Variants in DBN1 observed in about 807,000 individuals in gnomAD.
DBN1 encodes the protein drebrin.
DBN1 carries 21 observed loss-of-function variants against 83.5 expected under a neutral mutation model. The observed-to-expected ratio is 0.25, with a 90% CI of 0.18 to 0.36. DBN1 has a LOEUF of 0.36. DBN1 is among the 10% of genes least tolerant of loss of function. DBN1 has a pLI of 1.00. For missense variants in DBN1, 874 were observed against 935.7 expected, an observed-to-expected ratio of 0.93 and a Z score of 0.86; for synonymous variants, 381 against 384.9, an observed-to-expected ratio of 0.99 and a Z score of 0.12.
intron 1 of DBN1, chr5:177,472,455 C>T (rs1757920865): frequency 1.5e-6 from 2 of 1,310,842 alleles, no homozygotes; most frequent in South Asian, 3.7e-5. Flanking sequence ...TGTGAGGAAC[C>T]CCTCGGTTTC....
rs1359489286 is a variant in DBN1 at position 177,466,705 on chromosome 5, C to T, written c.771+67G>A. ...CTGAGCCACTGATCTCCCCACAAGG[C>T]CCAGGAACACAGGGACCATTCTCAC... is the stretch of plus-strand genomic sequence containing the variant. On this transcript the variant is annotated intron_variant, in intron 8 of 14. Coordinates refer to ENST00000393565, the MANE Select transcript of DBN1 (RefSeq NM_001363541.2). This position sits in a 1 kb window ranked among gnomAD's most constrained non-coding sequence, Gnocchi z 4.8. The T allele has an allele frequency of 6.4e-7, 1 of 1,571,812 alleles. No individual in the cohort carries two copies. The highest frequency in any genetic ancestry group is 8.8e-7 in the Non-Finnish European group (1 of 1,141,524).
At chr5:177,465,548 G>A (rs760342598) in intron 8 of DBN1, among the ~76,000 whole-genome samples, 1 of 152,204 alleles carries the variant, frequency 6.6e-6, no homozygotes, top group East Asian at 1.9e-4. Context: ...TACATTTTAT[G>A]TATTTTGCCA....
chr5:177,458,665 C>A lies in DBN1; in HGVS notation c.1307G>T (p.Arg436Ile). 1 of 1,571,570 alleles carries A rather than the reference C, an allele frequency of 6.4e-7. No individual in the cohort carries two copies. ...GGCCCAGGCCTGAGGGGCTGCTGCT[C>A]TGGTCTCCTCACTGTCTAGGATGGG... Reference protein sequence around the residue: ...PSPILDSEETRAAAPQAWAGP... With the variant: ...PSPILDSEETIAAAPQAWAGP... Residue 436 changes from arginine (R) to isoleucine (I), a missense_variant, in exon 13 of 15, where the codon AGA becomes ATA. By Grantham distance (97) the Arg-to-Ile change is moderately conservative (BLOSUM62 -3). Transcript: ENST00000393565.
chr5:177,457,884 G>A, intron 13 of DBN1, 127 bp from the exon 14 acceptor site: 1 of 1,060,116 alleles, frequency 9.4e-7, no homozygotes, highest in Non-Finnish European at 1.4e-6. Flanking sequence ...AAGGATGCCT[G>A]CCTTGGGAAC....
At chr5:177,470,600 A>T (rs1757774229) in intron 1 of DBN1, among the ~76,000 whole-genome samples, 1 of 152,186 alleles carries the variant, frequency 6.6e-6, no homozygotes, top group South Asian at 2.1e-4. Flanking sequence ...TGACCCAAGC[A>T]GGGTTCTGGA....
intron 1 of DBN1, among the ~76,000 whole-genome samples, chr5:177,469,976 G>A (rs1171045587): frequency 2.0e-5 from 3 of 152,238 alleles, no homozygotes; most frequent in Non-Finnish European, 4.4e-5. Context: ...GAGGGGAGAA[G>A]CAGAGGGAGA....
Position 177,473,578 on chromosome 5 carries a change from G to A in DBN1, c.-57C>T, listed in dbSNP as rs1311747996. On this transcript the variant is annotated 5_prime_UTR_variant, in exon 1 of 15. Transcript: ENST00000393565. ...CGCGCGGACGGACGGGCGGACGGAG[G>A]AGGAGGGAGGGAAAGAGGGAGTCGC... The A allele has an allele frequency of 3.3e-6, 4 of 1,215,162 alleles. No homozygotes were observed. Among genetic ancestry groups the A allele is most frequent in the East Asian group, 6.8e-5 (2 of 29,388 alleles). The allele number at this position is 1,215,162 out of a possible 1,614,324, so 75.3% of individuals were successfully genotyped here. A position where few individuals can be genotyped will look rare whatever the true frequency, so the allele number is the denominator to read the frequency against.
rs1430725126 is a variant in DBN1 at position 177,460,464 on chromosome 5, C to T, written c.923G>A (p.Cys308Tyr). Reference sequence around the variant, plus strand: ...ATGGTTGAAGGGCGAGGGTACATCACAGCTGCCCGCAGAGGCCGATGCGAC... The same window carrying T: ...ATGGTTGAAGGGCGAGGGTACATCATAGCTGCCCGCAGAGGCCGATGCGAC... ...ERVASASAGSCDVPSPFNHRP... is the reference protein window; with the variant it reads ...ERVASASAGSYDVPSPFNHRP... Residue 308 changes from cysteine (C) to tyrosine (Y), a missense_variant, in exon 10 of 15, where the codon TGT becomes TAT. Around this residue, in one of 4 missense-constraint regions of DBN1, gnomAD observed 725 missense variants for 719.7 expected, o/e 1.01. Transcript: ENST00000393565. 1.2e-6 allele frequency: 2 copies of T among 1,614,118 alleles called. No individual in the cohort carries two copies. The highest frequency in any genetic ancestry group is 2.2e-5 in the East Asian group (1 of 44,886).
At chr5:177,461,195 T>G in intron 8 of DBN1, among the ~76,000 whole-genome samples, 2 of 136,260 alleles carry the variant, frequency 1.5e-5, no homozygotes, top group Non-Finnish European at 1.6e-5. Context: ...GCCTCCCGGG[T>G]TCACGCCATT....
Position 177,467,067 on chromosome 5 carries a change from A to G in DBN1, c.556-5T>C, listed in dbSNP as rs1389458413. 2 of 1,613,684 alleles carry G rather than the reference A, an allele frequency of 1.2e-6. No homozygotes were observed. Among genetic ancestry groups the G allele is most frequent in the Admixed American group, 1.7e-5 (1 of 60,022 alleles). On this transcript the variant is annotated splice_region_variant and splice_polypyrimidine_tract_variant and intron_variant, in intron 6 of 14. Transcript: ENST00000393565. This position sits in a 1 kb window ranked among gnomAD's most constrained non-coding sequence, Gnocchi z 9.1. ...CTTCCGCAGCTCTTCTTCCTTCTGCAAGCCCCGGTGCGAACAAGGGTAGGC... is the reference window on the plus strand; with the variant it reads ...CTTCCGCAGCTCTTCTTCCTTCTGCGAGCCCCGGTGCGAACAAGGGTAGGC...
chr5:177,457,794 A>T (rs760845911), intron 13 of DBN1, 37 bp from the exon 14 acceptor site: 1 of 1,369,260 alleles, frequency 7.3e-7, no homozygotes, highest in Non-Finnish European at 1.0e-6. Context: ...GGCCCCACCC[A>T]GCAGGACTGG....
At chr5:177,468,691 G>A in intron 2 of DBN1, 153 bp downstream of exon 2, 1 of 475,184 alleles carries the variant, frequency 2.1e-6, no homozygotes, top group Non-Finnish European at 3.7e-6. Context: ...TGGGGACACA[G>A]GGATGACTGG....
Position 177,457,667 on chromosome 5 carries a change from T to C in DBN1, c.2005A>G (p.Asn669Asp), listed in dbSNP as rs761764159. The stretch of plus-strand genomic sequence containing the variant: ...AGCCCAGTACTACCTGGAGGCTTGT[T>C]GTAGAACACAGGAGGCGGAGCCTTG... ...CAKAPPPVFY[N>D]KPPEIDITCW... Residue 669 changes from asparagine (N) to aspartate (D), a missense_variant, in exon 14 of 15, where the codon AAC becomes GAC. Asn to Asp is a conservative substitution (Grantham distance 23). Around this residue, in one of 4 missense-constraint regions of DBN1, gnomAD observed 725 missense variants for 719.7 expected, o/e 1.01. Coordinates refer to ENST00000393565, the MANE Select transcript of DBN1 (RefSeq NM_001363541.2). 2 of 1,602,060 alleles carry C rather than the reference T, an allele frequency of 1.2e-6. No homozygotes were observed. The highest frequency in any genetic ancestry group is 2.2e-5 in the South Asian group (2 of 90,606).
At chr5:177,470,548 C>T (rs560897335) in intron 1 of DBN1, among the ~76,000 whole-genome samples, 1 of 152,184 alleles carries the variant, frequency 6.6e-6, no homozygotes, top group Non-Finnish European at 1.5e-5. Context: ...CATTGGACCA[C>T]CCTGTCCACA....
chr5:177,468,341 T>G, intron 2 of DBN1, 121 bp from the exon 3 acceptor site: 3 of 795,158 alleles, frequency 3.8e-6, no homozygotes, highest in East Asian at 2.5e-5. Flanking sequence ...TCTTCTGGCC[T>G]CTGGGGTCTG....
intron 8 of DBN1, among the ~76,000 whole-genome samples, chr5:177,463,748 T>A (rs1169299552): frequency 6.6e-6 from 1 of 152,228 alleles, no homozygotes; most frequent in Non-Finnish European, 1.5e-5. Flanking sequence ...ACCTGAAATG[T>A]TGATAACTGG....
At position 177,467,847 on chromosome 5, in the gene DBN1, G is replaced by C. The variant is rs1417805871; in HGVS notation, c.256-30C>G. 6.3e-7 allele frequency: 1 copy of C among 1,579,070 alleles called. No homozygotes were observed. On this transcript the variant is annotated intron_variant, in intron 3 of 14. Coordinates refer to ENST00000393565, the MANE Select transcript of DBN1 (RefSeq NM_001363541.2). This position sits in a 1 kb window ranked among gnomAD's most constrained non-coding sequence, Gnocchi z 9.1. ...AAAGTACCCAGCAAAGAGGGGGTCA[G>C]GAAAGGACAAGGGGGGCCCTACACG...
At chr5:177,462,438 T>A in intron 8 of DBN1, 1 of 982,782 alleles carries the variant, frequency 1.0e-6, no homozygotes, top group South Asian at 4.7e-5. Context: ...CTTGTTCAGG[T>A]CATTTCCTCC....
chr5:177,469,806 G>A (rs1236347896), intron 1 of DBN1, among the ~76,000 whole-genome samples: 10 of 152,244 alleles, frequency 6.6e-5, no homozygotes, highest in Non-Finnish European at 4.4e-5. Flanking sequence ...GACCCTCTGG[G>A]AGGGAGGAGA....
Sources: allele counts gnomAD v4.1 joint callset (sites outside exome capture counted in the v4.1 genomes callset), GRCh38; gene constraint gnomAD v4.1.1; regional missense constraint gnomAD v4.1.1; non-coding constraint Gnocchi (gnomAD v3.1); transcripts MANE v1.5; gene names NCBI Gene and HGNC (gene_info 2026-07-23, HGNC 2026-07-21).